The following UBAP2L variants were observed in gnomAD, a reference collection of about 807,000 sequenced individuals.
The protein encoded by UBAP2L is ubiquitin-associated protein 2-like.
Under a neutral mutation model 130.6 loss-of-function variants are expected in UBAP2L, and 12 were observed. That is an observed-to-expected ratio of 0.09 (90% CI 0.06 to 0.15). The LOEUF (loss-of-function observed/expected upper bound fraction) is 0.15. UBAP2L is among the 10% of genes least tolerant of loss of function. The pLI is 1.00. For missense variants in UBAP2L, 965 were observed against 1,332.5 expected, an observed-to-expected ratio of 0.72 and a Z score of 4.29; for synonymous variants, 503 against 524.7, an observed-to-expected ratio of 0.96 and a Z score of 0.57.
chr1:154,257,093 C>A lies in UBAP2L; in HGVS notation c.2188C>A (p.His730Asn). ...AAGTGTGGAGAGTGAGGCGAATCTC[C>A]ATTCTTCCTCCAGCACTTTTTCCAC... ...HTSVESEANL[H>N]SSSSTFSTTS... The change falls in exon 19 of 27, where the codon CAT (histidine) becomes AAT (asparagine). Residue 730 changes from histidine to asparagine, a missense_variant. This residue lies in a region of UBAP2L where 393 missense variants were observed against 408.1 expected (regional missense o/e 0.96). Transcript: ENST00000428931. The A allele has an allele frequency of 6.2e-7, 1 of 1,614,012 alleles. No homozygotes were observed. Among genetic ancestry groups the A allele is most frequent in the Non-Finnish European group, 8.5e-7 (1 of 1,180,010 alleles).
intron 10 of UBAP2L, among the ~76,000 whole-genome samples, chr1:154,243,992 T>C (rs1674462364): frequency 6.6e-6 from 1 of 152,212 alleles, no homozygotes; most frequent in African/African-American, 2.4e-5. Context: ...AGCAGTTTAT[T>C]CTCCTGTTCT....
chr1:154,268,310 G>C (rs1683959903), intron 25 of UBAP2L, among the ~76,000 whole-genome samples: 1 of 151,772 alleles, frequency 6.6e-6, no homozygotes, highest in Non-Finnish European at 1.5e-5. Context: ...TCCTGCCTCA[G>C]ACTCCCAAGT....
In UBAP2L at chr1:154,251,328, C is replaced by G. The variant is rs376270067; in HGVS notation, c.1491+10C>G. On this transcript the variant is annotated intron_variant, in intron 13 of 26. Transcript: ENST00000428931. ...CTCCTTGACTTCTAAGGTACTTAAA[C>G]TTTTAGGTAGATACCATTTTATGGC... The G allele has an allele frequency of 3.7e-6, 6 of 1,605,048 alleles. No homozygotes were observed. In the African/African-American group the frequency reaches 8.1e-5, roughly 22 times the overall value.
At chr1:154,228,316 T>G (rs1295244095) in intron 3 of UBAP2L, among the ~76,000 whole-genome samples, 6 of 152,052 alleles carry the variant, frequency 3.9e-5, no homozygotes, top group Non-Finnish European at 7.4e-5. Flanking sequence ...GCCTCCCAAG[T>G]AGCTAGGATT....
Position 154,255,669 on chromosome 1 carries a change from T to G in UBAP2L, c.2085-14T>G, listed in dbSNP as rs773659899. On this transcript the variant is annotated splice_polypyrimidine_tract_variant and intron_variant, in intron 17 of 26. Coordinates refer to ENST00000428931, the MANE Select transcript of UBAP2L (RefSeq NM_014847.4). ...TAGCACTATGGCTGATGGCAGCCTC[T>G]TTTTTTCTGACAGCACGTTATCTAC... 1 of 1,613,558 alleles carries G rather than the reference T, an allele frequency of 6.2e-7. No homozygotes were observed. The highest frequency in any genetic ancestry group is 2.2e-5 in the East Asian group (1 of 44,888).
At chr1:154,248,195 G>A (rs1676237562) in intron 11 of UBAP2L, among the ~76,000 whole-genome samples, 1 of 152,060 alleles carries the variant, frequency 6.6e-6, no homozygotes, top group South Asian at 2.1e-4. Flanking sequence ...TAGGACTCCT[G>A]ACCTAAGGTG....
chr1:154,250,021 A>G (rs1417552315), intron 12 of UBAP2L, among the ~76,000 whole-genome samples: 1 of 152,110 alleles, frequency 6.6e-6, no homozygotes, highest in Non-Finnish European at 1.5e-5. Context: ...CCATCTTAAG[A>G]CCTTATACAG....
chr1:154,229,688 TC>T (rs1415754024), intron 4 of UBAP2L, among the ~76,000 whole-genome samples: 1 of 152,082 alleles, frequency 6.6e-6, no homozygotes, highest in African/African-American at 2.4e-5. Flanking sequence ...GATTTCAAAC[TC>T]CTGGACTCAA....
At chr1:154,266,474 C>A in intron 24 of UBAP2L, 27 bp from the exon 25 acceptor site, 1 of 1,612,306 alleles carries the variant, frequency 6.2e-7, no homozygotes, top group East Asian at 2.2e-5. Context: ...CTGAGCTAAT[C>A]CTCCTGTCTG....
chr1:154,221,952 T>TAA (rs1218181152), intron 1 of UBAP2L, among the ~76,000 whole-genome samples: 1 of 152,184 alleles, frequency 6.6e-6, no homozygotes, highest in African/African-American at 2.4e-5. Context: ...TTCAAACCCT[T>TAA]AACCTTGTGG....
At chr1:154,231,488 A>G (rs1669819469) in intron 4 of UBAP2L, among the ~76,000 whole-genome samples, 2 of 151,740 alleles carry the variant, frequency 1.3e-5, no homozygotes, top group South Asian at 4.2e-4. Flanking sequence ...TTTAGTAGAG[A>G]CAGGGTTTTG....
At chr1:154,249,033 T>C (rs1403841558) in intron 11 of UBAP2L, among the ~76,000 whole-genome samples, 4 of 152,160 alleles carry the variant, frequency 2.6e-5, no homozygotes. Flanking sequence ...AAAAAATAGT[T>C]TTTCCAAGCT....
At chr1:154,244,132 C>T (rs181862003) in intron 10 of UBAP2L, among the ~76,000 whole-genome samples, 8 of 152,140 alleles carry the variant, frequency 5.3e-5, no homozygotes, top group Admixed American at 2.0e-4. Context: ...ATTTTTAATT[C>T]GCTGGAAACC....
chr1:154,234,870 C>T, intron 5 of UBAP2L, 111 bp downstream of exon 5: 1 of 1,447,624 alleles, frequency 6.9e-7, no homozygotes, highest in Non-Finnish European at 9.4e-7. Context: ...TATCCTTTTG[C>T]TTTTCTTGCC....
At chr1:154,263,656 A>G (rs973524486) in intron 24 of UBAP2L, among the ~76,000 whole-genome samples, 1 of 152,066 alleles carries the variant, frequency 6.6e-6, no homozygotes, top group Non-Finnish European at 1.5e-5. Context: ...AGGTGGGGGG[A>G]GGGGAAACAG....
At chr1:154,245,023 C>T (rs901632082) in intron 10 of UBAP2L, among the ~76,000 whole-genome samples, 2 of 152,122 alleles carry the variant, frequency 1.3e-5, no homozygotes, top group African/African-American at 4.8e-5. Flanking sequence ...CCTCCGCCTC[C>T]CAGGTTCAAG....
chr1:154,257,360 A>G lies in UBAP2L; in HGVS notation c.2368A>G (p.Asn790Asp). Residue 790 changes from asparagine to aspartate, a missense_variant, in exon 20 of 27, where the codon AAC becomes GAC. Asn to Asp is a conservative substitution (Grantham distance 23). Transcript: ENST00000428931. ...VATTSGKAPP[N>D]LPPGVPPLLP... ...TTCTCTTTTAGGAAAAGCTCCTCCC[A>G]ACCTCCCTCCTGGGGTCCCGCCGTT... 1 of 1,613,848 alleles carries G rather than the reference A, an allele frequency of 6.2e-7. No homozygotes were observed. Among genetic ancestry groups the G allele is most frequent in the Non-Finnish European group, 8.5e-7 (1 of 1,180,042 alleles).
intron 25 of UBAP2L, among the ~76,000 whole-genome samples, chr1:154,267,879 T>C (rs772326800): frequency 4.7e-5 from 6 of 128,016 alleles, no homozygotes; most frequent in Non-Finnish European, 1.0e-4. Flanking sequence ...TCTTATTTGG[T>C]CTTTTTTTTT....
chr1:154,267,764 G>A (rs1381158338), intron 25 of UBAP2L, among the ~76,000 whole-genome samples: 1 of 151,758 alleles, frequency 6.6e-6, no homozygotes, highest in Non-Finnish European at 1.5e-5. Context: ...AAAAGTGCTG[G>A]GATTACAGAT....
Sources: allele counts gnomAD v4.1 joint callset (sites outside exome capture counted in the v4.1 genomes callset), GRCh38; gene constraint gnomAD v4.1.1; regional missense constraint gnomAD v4.1.1; transcripts MANE v1.5; gene names NCBI Gene and HGNC (gene_info 2026-07-23, HGNC 2026-07-21).